The following PCGF5 variants were observed in gnomAD, a reference collection of about 807,000 sequenced individuals.
PCGF5 encodes polycomb group ring finger 5.
A neutral mutation model predicts 44.3 loss-of-function variants in PCGF5; 9 were observed. The ratio of observed to expected loss-of-function variants is 0.20; its 90% CI spans 0.12 to 0.35. The LOEUF is 0.35. Among genes scored for constraint, PCGF5 ranks in the 10% least tolerant of loss-of-function variants. The pLI is 1.00. For missense variants in PCGF5, 146 were observed against 305.3 expected, an observed-to-expected ratio of 0.48 and a Z score of 3.89; for synonymous variants, 95 against 102.5, an observed-to-expected ratio of 0.93 and a Z score of 0.44.
chr10:91,273,278 T>G (rs954053466), intron 9 of PCGF5, among the ~76,000 whole-genome samples: 23 of 152,228 alleles, frequency 1.5e-4, no homozygotes, highest in African/African-American at 5.3e-4. Context: ...TGCTTTAGCC[T>G]CATGGCTGAT....
At chr10:91,245,868 G>C (rs1845448052) in intron 3 of PCGF5, among the ~76,000 whole-genome samples, 1 of 152,172 alleles carries the variant, frequency 6.6e-6, no homozygotes, top group Admixed American at 6.5e-5. Flanking sequence ...GTGTTGTCCA[G>C]GGGAGTGAGA....
chr10:91,283,783 C>A lies in PCGF5; in HGVS notation c.*5467C>A, dbSNP rs1004962193. ...TCAGTTTTAAATAGAGTAGCCCTCA[C>A]AATCAAAATATCATAGAATATATTG... On this transcript the variant is annotated 3_prime_UTR_variant, in exon 10 of 10. Coordinates refer to ENST00000336126, the MANE Select transcript of PCGF5 (RefSeq NM_032373.5). 6.6e-6 allele frequency: 1 copy of A among 152,396 alleles called. No homozygotes were observed. Among genetic ancestry groups the A allele is most frequent in the African/African-American group, 2.4e-5 (1 of 41,426 alleles). 9.4% of individuals were successfully genotyped at this position (152,396 alleles called of 1,614,324 possible). A position where few individuals can be genotyped will look rare whatever the true frequency, so the allele number is the denominator to read the frequency against.
intron 1 of PCGF5, among the ~76,000 whole-genome samples, chr10:91,201,607 G>A (rs545046547): frequency 1.2e-4 from 19 of 152,206 alleles, no homozygotes; most frequent in African/African-American, 3.9e-4. Flanking sequence ...CACAGCCCCT[G>A]AGGGAATTCT....
At chr10:91,189,298 C>G (rs1421684963) in intron 1 of PCGF5, among the ~76,000 whole-genome samples, 1 of 152,188 alleles carries the variant, frequency 6.6e-6, no homozygotes, top group African/African-American at 2.4e-5. Flanking sequence ...CCCCATTTTT[C>G]CATGCCATGA....
intron 7 of PCGF5, among the ~76,000 whole-genome samples, chr10:91,261,862 A>C (rs534077632): frequency 1.7e-4 from 26 of 152,348 alleles, no homozygotes; most frequent in Admixed American, 1.5e-3. Context: ...CGTGAAATGC[A>C]GAAGTGGTTT....
intron 8 of PCGF5, among the ~76,000 whole-genome samples, 177 bp from the exon 9 acceptor site, chr10:91,271,461 G>GCAATT (rs1846180408): frequency 6.6e-6 from 1 of 152,146 alleles, no homozygotes. Context: ...AATTTTACCA[G>GCAATT]TTACTAAGTT....
At chr10:91,277,939 A>G (rs142497201) in intron 9 of PCGF5, among the ~76,000 whole-genome samples, 20 of 152,176 alleles carry the variant, frequency 1.3e-4, no homozygotes, top group African/African-American at 3.6e-4. Flanking sequence ...CTGAATGCCT[A>G]TAAGCAGGGT....
intron 1 of PCGF5, among the ~76,000 whole-genome samples, chr10:91,210,833 T>G (rs547478577): frequency 3.3e-5 from 5 of 152,236 alleles, no homozygotes; most frequent in Non-Finnish European, 7.3e-5. Flanking sequence ...AAAATGTGTA[T>G]GTATTCTGGA....
intron 1 of PCGF5, among the ~76,000 whole-genome samples, chr10:91,163,402 G>T (rs1234692363): frequency 6.6e-6 from 1 of 151,816 alleles, no homozygotes; most frequent in Non-Finnish European, 1.5e-5. Flanking sequence ...CCTGGCCGCG[G>T]CCCCGCCGCG....
intron 2 of PCGF5, among the ~76,000 whole-genome samples, chr10:91,229,723 T>C (rs1235294469): frequency 3.3e-5 from 5 of 152,126 alleles, no homozygotes; most frequent in Non-Finnish European, 7.4e-5. Context: ...TGATTCTGAA[T>C]GAATAGCCAT....
chr10:91,260,954 CATAATA>C (rs375770054), intron 6 of PCGF5, among the ~76,000 whole-genome samples: 37 of 149,850 alleles, frequency 2.5e-4, no homozygotes, highest in Admixed American at 5.3e-4. Flanking sequence ...AAACTTAAAG[CATAATA>C]ATAATAATAA....
chr10:91,168,235 C>CTTT (rs1464886976), intron 1 of PCGF5, among the ~76,000 whole-genome samples: 1 of 151,902 alleles, frequency 6.6e-6, no homozygotes, highest in Non-Finnish European at 1.5e-5. Flanking sequence ...AGGATAGAGC[C>CTTT]TTGTAAAAGC....
At chr10:91,167,557 G>A (rs1589345301) in intron 1 of PCGF5, among the ~76,000 whole-genome samples, 1 of 152,220 alleles carries the variant, frequency 6.6e-6, no homozygotes, top group Non-Finnish European at 1.5e-5. Context: ...GGATATATGA[G>A]CATGTCCAGG....
chr10:91,194,891 A>G (rs567894268), intron 1 of PCGF5, among the ~76,000 whole-genome samples: 71 of 152,328 alleles, frequency 4.7e-4, no homozygotes, highest in African/African-American at 1.7e-3. Flanking sequence ...AAGGGAAAGA[A>G]AAGAGTTTCT....
intron 1 of PCGF5, among the ~76,000 whole-genome samples, chr10:91,166,872 T>C (rs541885113): frequency 3.3e-4 from 50 of 152,306 alleles, no homozygotes; most frequent in African/African-American, 1.2e-3. Context: ...TATAAAAGGC[T>C]CTTAATAAAT....
the PCGF5 span, among the ~76,000 whole-genome samples, chr10:91,156,532 C>T: frequency 6.6e-5 from 10 of 152,272 alleles, no homozygotes; most frequent in East Asian, 1.9e-4. Context: ...GTTCTATCCA[C>T]GAGAAAGCCC....
intron 2 of PCGF5, chr10:91,227,248 T>C: frequency 4.6e-6 from 2 of 436,380 alleles, no homozygotes; most frequent in South Asian, 1.7e-5. Flanking sequence ...CTTTTTTTTT[T>C]CCTGTGTGAA....
At chr10:91,215,986 T>G (rs1364385563), upstream of PCGF5, among the ~76,000 whole-genome samples, 1 of 152,244 alleles carries the variant, frequency 6.6e-6, no homozygotes, top group Non-Finnish European at 1.5e-5. Flanking sequence ...AAAGAATACA[T>G]AGGATCAGTT....
intron 1 of PCGF5, among the ~76,000 whole-genome samples, chr10:91,186,193 G>T (rs557914689): frequency 1.3e-5 from 2 of 152,130 alleles, no homozygotes; most frequent in Non-Finnish European, 2.9e-5. Flanking sequence ...TAAATCAGCT[G>T]TACCCTCAGG....
Sources: allele counts gnomAD v4.1 joint callset (sites outside exome capture counted in the v4.1 genomes callset), GRCh38; gene constraint gnomAD v4.1.1; transcripts MANE v1.5; gene names NCBI Gene and HGNC (gene_info 2026-07-23, HGNC 2026-07-21).